The following FZD3 variants were observed in gnomAD, a reference collection of about 807,000 sequenced individuals.
The protein encoded by FZD3 is frizzled-3.
FZD3 carries 30 observed loss-of-function variants against 60.7 expected under a neutral mutation model. That is an observed-to-expected ratio of 0.49 (90% CI 0.37 to 0.67). FZD3 has a LOEUF of 0.67. Ranked by LOEUF, FZD3 falls within the 30% of genes least tolerant of loss-of-function variation. The pLI is 0.00. For missense variants in FZD3, 605 were observed against 838.7 expected, an observed-to-expected ratio of 0.72 and a Z score of 3.44; for synonymous variants, 246 against 275.2, an observed-to-expected ratio of 0.89 and a Z score of 1.05.
intron 6 of FZD3, 100 bp downstream of exon 6, chr8:28,551,851 C>T (rs979345102): frequency 2.2e-5 from 20 of 924,696 alleles, no homozygotes; most frequent in Non-Finnish European, 3.1e-5. Flanking sequence ...GAGAATTATT[C>T]AAACAAGACT....
chr8:28,495,489 T>A (rs755614833), intron 1 of FZD3, among the ~76,000 whole-genome samples: 1 of 152,156 alleles, frequency 6.6e-6, no homozygotes, highest in Non-Finnish European at 1.5e-5. Context: ...CAATATGATA[T>A]GAGCAAGGAA....
At chr8:28,495,772 C>T (rs75000555) in intron 1 of FZD3, among the ~76,000 whole-genome samples, 1 of 152,112 alleles carries the variant, frequency 6.6e-6, no homozygotes, top group Non-Finnish European at 1.5e-5. Context: ...GGTGTAAGAG[C>T]TTGACTGGGT....
chr8:28,520,235 AG>A (rs1390968316), intron 3 of FZD3, among the ~76,000 whole-genome samples: 22 of 150,538 alleles, frequency 1.5e-4, no homozygotes, highest in East Asian at 1.2e-3. Flanking sequence ...AAAAAAAAAA[AG>A]GAAGAAAGAA....
intron 5 of FZD3, among the ~76,000 whole-genome samples, chr8:28,533,898 G>A (rs1804943952): frequency 6.6e-6 from 1 of 151,994 alleles, no homozygotes. Context: ...TGTGATTCTT[G>A]TGCTTTCCAA....
rs1177559805 is a variant in FZD3 at position 28,563,917 on chromosome 8, A to G, written c.*906A>G. ...CAAAATGGCAAAACATTTTCTCTGT[A>G]TTCATTGTTGTATTTTTCTACAGTG... On this transcript the variant is annotated 3_prime_UTR_variant, in exon 8 of 8. Transcript: ENST00000240093. 1 of 152,638 alleles carries G rather than the reference A, an allele frequency of 6.6e-6. No individual in the cohort carries two copies. The highest frequency in any genetic ancestry group is 1.5e-5 in the Non-Finnish European group (1 of 68,038). The allele number at this position is 152,638 out of a possible 1,614,324, so 9.5% of individuals were successfully genotyped here. A position where few individuals can be genotyped will look rare whatever the true frequency, so the allele number is the denominator to read the frequency against.
chr8:28,527,173 C>T lies in FZD3; in HGVS notation c.413C>T (p.Pro138Leu). The change falls in exon 5 of 8, where the codon CCT (proline) becomes CTT (leucine). Residue 138 changes from proline to leucine, a missense_variant. Physicochemically the swap from Pro to Leu is moderately conservative, Grantham distance 98. Coordinates refer to ENST00000240093, the MANE Select transcript of FZD3 (RefSeq NM_017412.4). The surrounding 1 kb of genome is among the most constrained non-coding windows in gnomAD (Gnocchi z 5.0). ...SRFPDCDEPY[P>L]RLVDLNLAGE... is the part of the protein sequence containing the mutation. ...TTCCCAGATTGTGATGAGCCATATCCTCGACTTGTGGATCTGAATTTAGCT... is the reference window on the plus strand; with the variant it reads ...TTCCCAGATTGTGATGAGCCATATCTTCGACTTGTGGATCTGAATTTAGCT... 1.2e-6 allele frequency: 2 copies of T among 1,612,682 alleles called. No homozygotes were observed. Among genetic ancestry groups the T allele is most frequent in the Non-Finnish European group, 1.7e-6 (2 of 1,179,540 alleles).
At chr8:28,542,507 G>A (rs528915648) in intron 5 of FZD3, among the ~76,000 whole-genome samples, 90 of 152,124 alleles carry the variant, frequency 5.9e-4, no homozygotes, top group African/African-American at 1.3e-3. Flanking sequence ...GCCTAGTGGC[G>A]CATGCCTGTA....
Position 28,573,897 on chromosome 8 carries a change from A to G in FZD3, c.*10886A>G, listed in dbSNP as rs1805849129. The G allele has an allele frequency of 6.6e-6, 1 of 152,214 alleles. No individual in the cohort carries two copies. Among genetic ancestry groups the G allele is most frequent in the African/African-American group, 2.4e-5 (1 of 41,466 alleles). 9.4% of individuals were successfully genotyped at this position (152,214 alleles called of 1,614,324 possible). A position where few individuals can be genotyped will look rare whatever the true frequency, so the allele number is the denominator to read the frequency against. On this transcript the variant is annotated 3_prime_UTR_variant, in exon 8 of 8. Transcript: ENST00000240093. ...TCTAAATGTCTAATGTTGATTTATCATATAAACATCTAATTAGAAAGTGTT... is the reference window on the plus strand; with the variant it reads ...TCTAAATGTCTAATGTTGATTTATCGTATAAACATCTAATTAGAAAGTGTT...
At chr8:28,508,556 A>G (rs1280862543) in intron 3 of FZD3, among the ~76,000 whole-genome samples, 1 of 151,250 alleles carries the variant, frequency 6.6e-6, no homozygotes, top group African/African-American at 2.4e-5. Flanking sequence ...GCTGTAGTGT[A>G]GTGGCACGAT....
intron 3 of FZD3, among the ~76,000 whole-genome samples, chr8:28,513,062 G>A (rs1028460272): frequency 2.6e-5 from 4 of 152,082 alleles, no homozygotes; most frequent in Admixed American, 2.6e-4. Context: ...AGTGGCCTAA[G>A]AAGCCTGGTG....
At chr8:28,556,620 T>C (rs902665076) in intron 7 of FZD3, among the ~76,000 whole-genome samples, 1 of 151,152 alleles carries the variant, frequency 6.6e-6, no homozygotes, top group Non-Finnish European at 1.5e-5. Flanking sequence ...AAGAGCCAGA[T>C]AGTAAATATT....
At chr8:28,555,200 G>T (rs1334241450) in intron 6 of FZD3, among the ~76,000 whole-genome samples, 2 of 152,068 alleles carry the variant, frequency 1.3e-5, no homozygotes, top group East Asian at 3.8e-4. Context: ...AACTGCTTCT[G>T]CATAAAATTA....
intron 7 of FZD3, 116 bp from the exon 8 acceptor site, chr8:28,562,682 C>A: frequency 1.5e-6 from 1 of 671,316 alleles, no homozygotes; most frequent in Non-Finnish European, 2.6e-6. Context: ...TTATTACTTT[C>A]TCATGGTTGG....
intron 4 of FZD3, among the ~76,000 whole-genome samples, chr8:28,522,480 C>G (rs964325460): frequency 2.6e-5 from 4 of 152,132 alleles, no homozygotes. Context: ...CCATTCATGT[C>G]TTCTGTCTCC....
At chr8:28,548,295 G>GT (rs201507644) in intron 5 of FZD3, among the ~76,000 whole-genome samples, 5 of 151,668 alleles carry the variant, frequency 3.3e-5, no homozygotes, top group Admixed American at 2.6e-4. Flanking sequence ...TTGAATTTTT[G>GT]TTTTTTTGTT....
At position 28,527,625 on chromosome 8, in the gene FZD3, C is replaced by T. The variant is rs1336680664; in HGVS notation, c.865C>T (p.Leu289Phe). Residue 289 changes from leucine (L) to phenylalanine (F), a missense_variant, in exon 5 of 8, where the codon CTT (leucine) becomes TTT (phenylalanine). Coordinates refer to ENST00000240093, the MANE Select transcript of FZD3 (RefSeq NM_017412.4). The surrounding 1 kb of genome is among the most constrained non-coding windows in gnomAD (Gnocchi z 5.0). ...QGSHNKACTM[L>F]FMILYFFTMA... ...ATCTCATAATAAAGCCTGTACCATG[C>T]TTTTTATGATACTCTATTTTTTTAC... 6 of 1,613,858 alleles carry T rather than the reference C, an allele frequency of 3.7e-6. No homozygotes were observed. The highest frequency in any genetic ancestry group is 4.2e-6 in the Non-Finnish European group (5 of 1,179,848).
intron 5 of FZD3, among the ~76,000 whole-genome samples, chr8:28,543,031 T>C (rs552868056): frequency 6.6e-6 from 1 of 152,278 alleles, no homozygotes; most frequent in Non-Finnish European, 1.5e-5. Context: ...TCATCTAGAA[T>C]TGAAGACAAC....
rs557181369 is a variant in FZD3, at chr8:28,561,830, A to C, written c.1788-968A>C. Among the ~76,000 whole-genome samples the C allele has an allele frequency of 3.9e-5, 6 of 152,302 alleles. No homozygotes were observed. The South Asian group carries it at 1.2e-3, about 32-fold the overall frequency. ...AATATGGTCCTTACCTTGAAAGAGC[A>C]CGCTATAAAGCCAGAATCGTTGATA... On this transcript the variant is annotated intron_variant, in intron 7 of 7. Transcript: ENST00000240093.
chr8:28,531,141 CT>C (rs1387814371), intron 5 of FZD3, among the ~76,000 whole-genome samples: 1 of 151,958 alleles, frequency 6.6e-6, no homozygotes, highest in South Asian at 2.1e-4. Context: ...CCTCTTCTTC[CT>C]CCCTCCCTAG....
Sources: gnomAD v4.1 joint callset for allele counts (sites outside exome capture counted in the v4.1 genomes callset) on GRCh38, gnomAD v4.1.1 for gene constraint, Gnocchi (gnomAD v3.1) non-coding constraint, MANE v1.5 for transcripts, NCBI Gene and HGNC (gene_info 2026-07-23, HGNC 2026-07-21) for gene names.